The following ZEB1 variants were observed in gnomAD, a reference collection of about 807,000 sequenced individuals.
ZEB1 encodes zinc finger E-box-binding homeobox 1.
ZEB1 carries 21 observed loss-of-function variants against 84.9 expected under a neutral mutation model. The observed-to-expected ratio is 0.25, with a 90% CI of 0.18 to 0.36. The LOEUF (loss-of-function observed/expected upper bound fraction) is 0.36. Ranked by LOEUF, ZEB1 falls within the 10% of genes least tolerant of loss-of-function variation. The pLI, the probability that ZEB1 is intolerant of heterozygous loss-of-function variation, is 1.00. For synonymous variants in ZEB1, 420 were observed against 471.1 expected (o/e 0.89, Z 1.41); for missense variants, 1,104 against 1,330.2 (o/e 0.83, Z 2.65).
At chr10:31,333,546 G>A (rs924139962) in intron 1 of ZEB1, among the ~76,000 whole-genome samples, 3 of 151,804 alleles carry the variant, frequency 2.0e-5, no homozygotes, top group Admixed American at 1.3e-4. Flanking sequence ...CTAAGATAAG[G>A]AATAAAAATC....
At chr10:31,410,119 C>T (rs1478926567) in intron 1 of ZEB1, among the ~76,000 whole-genome samples, 1 of 152,172 alleles carries the variant, frequency 6.6e-6, no homozygotes, top group Non-Finnish European at 1.5e-5. Context: ...AGCTTTTGCC[C>T]ATTCAGCATG....
At chr10:31,523,457 C>T (rs2072788836) in intron 7 of ZEB1, among the ~76,000 whole-genome samples, 1 of 152,120 alleles carries the variant, frequency 6.6e-6, no homozygotes, top group African/African-American at 2.4e-5. Flanking sequence ...ATTGAAAGAC[C>T]AGGTTTTAAA....
intron 1 of ZEB1, among the ~76,000 whole-genome samples, chr10:31,408,565 G>A (rs1297181165): frequency 6.7e-6 from 1 of 148,404 alleles, no homozygotes; most frequent in Non-Finnish European, 1.5e-5. Context: ...CAATGGAACT[G>A]AACAGAGCCC....
At chr10:31,445,657 G>A (rs1179919971) in intron 1 of ZEB1, among the ~76,000 whole-genome samples, 5 of 150,258 alleles carry the variant, frequency 3.3e-5, no homozygotes, top group Non-Finnish European at 5.9e-5. Context: ...GGCTTTTTCT[G>A]CATCTATTGA....
chr10:31,361,738 GCTC>G (rs1470731819), intron 1 of ZEB1, among the ~76,000 whole-genome samples: 2 of 140,252 alleles, frequency 1.4e-5, no homozygotes, highest in African/African-American at 5.4e-5. Flanking sequence ...GGGCAGAGGC[GCTC>G]CTCATTTCCC....
chr10:31,363,362 C>T, intron 1 of ZEB1: 2 of 1,534,432 alleles, frequency 1.3e-6, no homozygotes. Context: ...TAGAAACTCA[C>T]TGCATGCACC....
chr10:31,402,378 G>GAA (rs374648116), intron 1 of ZEB1, among the ~76,000 whole-genome samples: 1 of 149,850 alleles, frequency 6.7e-6, no homozygotes, highest in African/African-American at 2.4e-5. Context: ...AGCGATCCTA[G>GAA]AAAAAAAAAA....
At chr10:31,323,961 CTTCGT>C (rs1325742907) in intron 1 of ZEB1, among the ~76,000 whole-genome samples, 1 of 121,266 alleles carries the variant, frequency 8.2e-6, no homozygotes. Flanking sequence ...TGTCATGGTT[CTTCGT>C]GTGTGTGTGT....
chr10:31,365,881 A>G (rs2044374883), intron 1 of ZEB1, among the ~76,000 whole-genome samples: 1 of 152,212 alleles, frequency 6.6e-6, no homozygotes, highest in South Asian at 2.1e-4. Context: ...GAATATAGGG[A>G]ACATAATTTA....
chr10:31,490,794 A>G (rs924403012), intron 2 of ZEB1, among the ~76,000 whole-genome samples: 1 of 151,788 alleles, frequency 6.6e-6, no homozygotes, highest in Non-Finnish European at 1.5e-5. Context: ...GAGATTAATA[A>G]GTTAAATAAG....
chr10:31,348,448 C>A (rs2040714506), intron 1 of ZEB1, among the ~76,000 whole-genome samples: 1 of 152,072 alleles, frequency 6.6e-6, no homozygotes, highest in Non-Finnish European at 1.5e-5. Context: ...CCTGTAATCC[C>A]AGCTACTCAG....
chr10:31,460,032 C>T lies in ZEB1; in HGVS notation c.59-1005C>T, dbSNP rs145709791. 2.3e-3 allele frequency among the ~76,000 whole-genome samples: 344 copies of T among 151,766 alleles called. 1 individual carries two copies. The highest frequency in any genetic ancestry group is 8.0e-3 in the African/African-American group (331 of 41,400). On this transcript the variant is annotated intron_variant, in intron 1 of 8. Coordinates refer to ENST00000424869, the MANE Select transcript of ZEB1 (RefSeq NM_001174096.2). ...TGAAGCTTCTTTTTCTCCCTTCTTC[C>T]GAATCTTTTCTTAGCAAATAAGAAT...
rs1394673587 is a variant in ZEB1, at chr10:31,319,334, A to G, written c.58+42A>G. Reference sequence around the variant, plus strand: ...ACCGGGGAGCGGCGGAGTCAGGGGGAGCTGGGCAGCCGGGGCGCCCCCGGG... The same window carrying G: ...ACCGGGGAGCGGCGGAGTCAGGGGGGGCTGGGCAGCCGGGGCGCCCCCGGG... On this transcript the variant is annotated intron_variant, in intron 1 of 8. Transcript: ENST00000424869. 3.2e-6 allele frequency: 5 copies of G among 1,578,142 alleles called. No homozygotes were observed. The African/African-American group carries it at 6.9e-5, about 22-fold the overall frequency.
At chr10:31,480,411 T>G (rs373441772) in intron 2 of ZEB1, among the ~76,000 whole-genome samples, 18 of 152,104 alleles carry the variant, frequency 1.2e-4, no homozygotes, top group South Asian at 4.1e-4. Flanking sequence ...CAAGATTCAG[T>G]TGAACCTACT....
intron 2 of ZEB1, among the ~76,000 whole-genome samples, chr10:31,469,445 G>A (rs1000624807): frequency 6.6e-6 from 1 of 152,184 alleles, no homozygotes; most frequent in South Asian, 2.1e-4. Context: ...CAAAGAAAGG[G>A]GTGACAGACG....
At chr10:31,488,838 C>T (rs971499817) in intron 2 of ZEB1, among the ~76,000 whole-genome samples, 1 of 151,124 alleles carries the variant, frequency 6.6e-6, no homozygotes, top group African/African-American at 2.4e-5. Flanking sequence ...ATAGAACATA[C>T]TTTATAGAAT....
At chr10:31,434,181 G>A (rs1488466117) in intron 1 of ZEB1, among the ~76,000 whole-genome samples, 1 of 152,032 alleles carries the variant, frequency 6.6e-6, no homozygotes, top group Non-Finnish European at 1.5e-5. Flanking sequence ...TGATAAGTGG[G>A]CAATATGTAA....
chr10:31,345,463 G>A (rs891067117), intron 1 of ZEB1, among the ~76,000 whole-genome samples: 1 of 152,120 alleles, frequency 6.6e-6, no homozygotes, highest in Non-Finnish European at 1.5e-5. Context: ...GAATGTAGAT[G>A]CTAAGTGTTA....
At chr10:31,411,764 G>T (rs1185000803) in intron 1 of ZEB1, among the ~76,000 whole-genome samples, 1 of 151,340 alleles carries the variant, frequency 6.6e-6, no homozygotes, top group African/African-American at 2.4e-5. Context: ...TCTTTTTCTG[G>T]GTCTCTTTCT....
Sources: allele counts gnomAD v4.1 joint callset (sites outside exome capture counted in the v4.1 genomes callset), GRCh38; gene constraint gnomAD v4.1.1; transcripts MANE v1.5; gene names NCBI Gene and HGNC (gene_info 2026-07-23, HGNC 2026-07-21).